Variants in PARD3B observed in about 807,000 individuals in gnomAD.
PARD3B encodes the protein partitioning defective 3 homolog B.
In PARD3B, 103 loss-of-function variants were observed where a neutral mutation model predicts 130.2. That is an observed-to-expected ratio of 0.79 (90% CI 0.67 to 0.93). The LOEUF is 0.93. PARD3B is among the 40% of genes least tolerant of loss of function. The probability of loss-of-function intolerance (pLI) is 0.00; values close to 1 mark genes in which losing one functional copy is unlikely to be tolerated. For missense variants in PARD3B, 1,609 were observed against 1,499.2 expected (o/e 1.07, Z -1.21); for synonymous variants, 583 against 553.2 (o/e 1.05, Z -0.76).
chr2:205,370,355 G>C (rs2044764606), intron 18 of PARD3B, among the ~76,000 whole-genome samples: 1 of 152,200 alleles, frequency 6.6e-6, no homozygotes, highest in Non-Finnish European at 1.5e-5. Flanking sequence ...AACAGAATAG[G>C]AAGGTTGTAA....
intron 15 of PARD3B, among the ~76,000 whole-genome samples, chr2:205,215,183 A>G (rs1018523470): frequency 6.6e-6 from 1 of 152,110 alleles, no homozygotes; most frequent in African/African-American, 2.4e-5. Flanking sequence ...CAATGAAAAG[A>G]GAAAAATTTG....
chr2:204,755,829 C>G (rs1037277327), intron 2 of PARD3B, among the ~76,000 whole-genome samples: 3 of 152,032 alleles, frequency 2.0e-5, no homozygotes, highest in Admixed American at 2.0e-4. Flanking sequence ...ATGACTTTTA[C>G]CACTATTTAT....
chr2:205,544,034 G>A (rs964520090), intron 21 of PARD3B, among the ~76,000 whole-genome samples: 9 of 152,154 alleles, frequency 5.9e-5, no homozygotes, highest in African/African-American at 2.2e-4. Context: ...GTTTTGGGGT[G>A]AGTGAATAAC....
At chr2:204,731,780 A>G (rs1478218040) in intron 2 of PARD3B, among the ~76,000 whole-genome samples, 11 of 152,168 alleles carry the variant, frequency 7.2e-5, no homozygotes, top group Non-Finnish European at 7.3e-5. Flanking sequence ...TGTGGCCTAG[A>G]GGAAAGTTAC....
intron 19 of PARD3B, among the ~76,000 whole-genome samples, chr2:205,406,768 T>C (rs1205680673): frequency 2.7e-5 from 4 of 149,836 alleles, no homozygotes; most frequent in Non-Finnish European, 5.9e-5. Context: ...CCTCCCAGGT[T>C]CAAGCGATTC....
At chr2:205,196,074 A>C (rs1349625043) in intron 15 of PARD3B, among the ~76,000 whole-genome samples, 1 of 152,186 alleles carries the variant, frequency 6.6e-6, no homozygotes, top group Non-Finnish European at 1.5e-5. Context: ...TTTCAAAGAC[A>C]GACAATTCCA....
At chr2:204,977,611 C>T (rs1692287188) in intron 3 of PARD3B, among the ~76,000 whole-genome samples, 1 of 151,888 alleles carries the variant, frequency 6.6e-6, no homozygotes, top group Non-Finnish European at 1.5e-5. Flanking sequence ...AGATCGAGAC[C>T]ATCCTGGCTA....
Position 205,352,126 on chromosome 2 carries a change from C to T in PARD3B, c.2631-48887C>T, listed in dbSNP as rs573691804. Among the ~76,000 whole-genome samples the T allele has an allele frequency of 3.3e-5, 5 of 152,212 alleles. No homozygotes were observed. Among genetic ancestry groups the T allele is most frequent in the South Asian group, 2.1e-4 (1 of 4,818 alleles). On this transcript the variant is annotated intron_variant, in intron 18 of 22. Coordinates refer to ENST00000406610, the MANE Select transcript of PARD3B (RefSeq NM_001302769.2). This position sits in a 1 kb window ranked among gnomAD's most constrained non-coding sequence, Gnocchi z 5.2. The stretch of plus-strand genomic sequence containing the variant: ...CTTGGATTTTCTATGTGTATAAAGA[C>T]GGTATTTGTCATTGAGCTTAGTGCT...
At chr2:205,246,969 T>C (rs1375913511) in intron 16 of PARD3B, among the ~76,000 whole-genome samples, 1 of 152,212 alleles carries the variant, frequency 6.6e-6, no homozygotes, top group African/African-American at 2.4e-5. Context: ...ACTGGACATA[T>C]TTTTAGGAGC....
chr2:205,422,163 C>T (rs1009651311), intron 19 of PARD3B, among the ~76,000 whole-genome samples: 1 of 152,156 alleles, frequency 6.6e-6, no homozygotes, highest in Non-Finnish European at 1.5e-5. Context: ...TCAATCTCAG[C>T]GATGAGCCAG....
intron 15 of PARD3B, among the ~76,000 whole-genome samples, chr2:205,220,095 C>T (rs572468061): frequency 3.9e-5 from 6 of 152,224 alleles, no homozygotes; most frequent in African/African-American, 1.2e-4. Context: ...AAAAAGGAAG[C>T]AACTGCTTCC....
chr2:205,007,016 T>C (rs1007068761), intron 3 of PARD3B, among the ~76,000 whole-genome samples: 4 of 152,326 alleles, frequency 2.6e-5, no homozygotes, highest in Non-Finnish European at 5.9e-5. Context: ...TCATCTTGAA[T>C]TCTAATCCCC....
chr2:205,087,405 G>A (rs1041643653), intron 4 of PARD3B, among the ~76,000 whole-genome samples: 1 of 152,124 alleles, frequency 6.6e-6, no homozygotes, highest in Non-Finnish European at 1.5e-5. Context: ...TTAGGCTTAA[G>A]TGGGTCACAG....
chr2:204,766,789 A>G (rs1262156753), intron 2 of PARD3B, among the ~76,000 whole-genome samples: 1 of 138,590 alleles, frequency 7.2e-6, no homozygotes, highest in Non-Finnish European at 1.6e-5. Context: ...TGAAGTTGAA[A>G]TATGCCCTTT....
chr2:205,122,425 T>G lies in PARD3B; in HGVS notation c.1165+476T>G, dbSNP rs2030857044. Among the ~76,000 whole-genome samples, 1 of 152,216 alleles carries G rather than the reference T, an allele frequency of 6.6e-6. No individual in the cohort carries two copies. On this transcript the variant is annotated intron_variant, in intron 8 of 22. Coordinates refer to ENST00000406610, the MANE Select transcript of PARD3B (RefSeq NM_001302769.2). This position sits in a 1 kb window ranked among gnomAD's most constrained non-coding sequence, Gnocchi z 4.3. ...TTCTCTGATTCAACGTCACAAACAT[T>G]TAAAACATACCTAATTTCAAAAGCA...
chr2:205,124,181 T>A, intron 8 of PARD3B, 146 bp from the exon 9 acceptor site: 1 of 709,472 alleles, frequency 1.4e-6, no homozygotes, highest in East Asian at 3.2e-5. Flanking sequence ...GAAACACAAA[T>A]AACTGAAGCA....
intron 2 of PARD3B, among the ~76,000 whole-genome samples, chr2:204,750,738 A>G (rs534621998): frequency 6.6e-6 from 1 of 152,102 alleles, no homozygotes; most frequent in Non-Finnish European, 1.5e-5. Flanking sequence ...CTAAAGGCAG[A>G]TAAATACTAT....
chr2:205,456,323 G>A (rs1456257232), intron 20 of PARD3B, among the ~76,000 whole-genome samples: 1 of 152,070 alleles, frequency 6.6e-6, no homozygotes, highest in Non-Finnish European at 1.5e-5. Flanking sequence ...GCTATAAACA[G>A]TCACCTACAT....
chr2:205,483,253 C>A (rs980715114), intron 20 of PARD3B, among the ~76,000 whole-genome samples: 1 of 152,164 alleles, frequency 6.6e-6, no homozygotes, highest in Non-Finnish European at 1.5e-5. Flanking sequence ...GATGGTGTTG[C>A]TAGTCTGTAC....
Sources: allele counts gnomAD v4.1 joint callset (sites outside exome capture counted in the v4.1 genomes callset), GRCh38; gene constraint gnomAD v4.1.1; non-coding constraint Gnocchi (gnomAD v3.1); transcripts MANE v1.5; gene names NCBI Gene and HGNC (gene_info 2026-07-23, HGNC 2026-07-21).